The following RALGPS1 variants were observed in gnomAD, a reference collection of about 807,000 sequenced individuals.
RALGPS1 encodes Ral GEF with PH domain and SH3 binding motif 1.
Under a neutral mutation model 78.8 loss-of-function variants are expected in RALGPS1, and 19 were observed. The ratio of observed to expected loss-of-function variants is 0.24; its 90% CI spans 0.17 to 0.35. The LOEUF (loss-of-function observed/expected upper bound fraction) is 0.35, where lower values mean the gene tolerates loss of function less well. RALGPS1 is among the 10% of genes least tolerant of loss of function. The pLI is 1.00. For synonymous variants in RALGPS1, 228 were observed against 256.3 expected (o/e 0.89, Z 1.06); for missense variants, 454 against 688.3 (o/e 0.66, Z 3.81).
chr9:127,142,572 G>A lies in RALGPS1; in HGVS notation c.611-23497G>A, dbSNP rs573700168. 9.2e-5 allele frequency among the ~76,000 whole-genome samples: 14 copies of A among 152,270 alleles called. No individual in the cohort carries two copies. In the South Asian group the frequency reaches 2.9e-3, roughly 32 times the overall value. On this transcript the variant is annotated intron_variant, in intron 8 of 18. Coordinates refer to ENST00000259351, the MANE Select transcript of RALGPS1 (RefSeq NM_014636.3). Reference sequence around the variant, plus strand: ...AGTTAGCAGGTCCAGGACTCCCTCCGCAGGAGGGCCTCCAAGCTCAGTTCT... The same window carrying A: ...AGTTAGCAGGTCCAGGACTCCCTCCACAGGAGGGCCTCCAAGCTCAGTTCT...
chr9:127,174,289 G>A (rs5900743), intron 10 of RALGPS1, among the ~76,000 whole-genome samples: 2 of 122,050 alleles, frequency 1.6e-5, no homozygotes, highest in Non-Finnish European at 3.1e-5. Context: ...AAGAAAGAAA[G>A]AGAAAGAAAG....
chr9:127,167,235 C>A (rs1342724968), intron 9 of RALGPS1, among the ~76,000 whole-genome samples: 2 of 152,186 alleles, frequency 1.3e-5, no homozygotes, highest in African/African-American at 4.8e-5. Flanking sequence ...AGCAAGAGCC[C>A]TGCTCACCAG....
At position 127,218,024 on chromosome 9, in the gene RALGPS1, T is replaced by C. The variant is rs936249948; in HGVS notation, c.1645-716T>C. Among the ~76,000 whole-genome samples, 3 of 152,228 alleles carry C rather than the reference T, an allele frequency of 2.0e-5. No individual in the cohort carries two copies. Among genetic ancestry groups the C allele is most frequent in the Non-Finnish European group, 4.4e-5 (3 of 68,050 alleles). On this transcript the variant is annotated intron_variant, in intron 18 of 18. Transcript: ENST00000259351. The surrounding 1 kb of genome is among the most constrained non-coding windows in gnomAD (Gnocchi z 4.4). ...TCTCCTGGTACATGGAGATGCATTT[T>C]TTTCCTAATTCATAGTTTGACCAAA...
At position 127,130,057 on chromosome 9, in the gene RALGPS1, G is replaced by A. The variant is rs565781228; in HGVS notation, c.611-36012G>A. Among the ~76,000 whole-genome samples the A allele has an allele frequency of 2.0e-5, 3 of 152,314 alleles. No individual in the cohort carries two copies. In the East Asian group the frequency reaches 5.8e-4, roughly 29 times the overall value. On this transcript the variant is annotated intron_variant, in intron 8 of 18. Coordinates refer to ENST00000259351, the MANE Select transcript of RALGPS1 (RefSeq NM_014636.3). ...GGAAGTGAGAAGATAGGAAGCGAGT[G>A]AGGACACGTGTGTCACCAGCTCCCT...
chr9:127,188,996 TCAAAAA>T (rs2060861127), intron 11 of RALGPS1, among the ~76,000 whole-genome samples: 1 of 34,368 alleles, frequency 2.9e-5, no homozygotes, highest in African/African-American at 1.3e-4. Flanking sequence ...CAAGACTGTC[TCAAAAA>T]AAAAAAAAAA....
At chr9:127,021,425 C>G (rs1224561141) in intron 4 of RALGPS1, among the ~76,000 whole-genome samples, 1 of 150,660 alleles carries the variant, frequency 6.6e-6, no homozygotes, top group Non-Finnish European at 1.5e-5. Flanking sequence ...TGCTTGAATC[C>G]TGGAGGTGGA....
intron 2 of RALGPS1, 48 bp from the exon 3 acceptor site, chr9:126,965,796 T>C (rs959426138): frequency 4.9e-6 from 7 of 1,432,486 alleles, no homozygotes; most frequent in African/African-American, 1.4e-5. Context: ...AGGCAATGAT[T>C]CCACGTCATA....
chr9:126,930,429 T>TA (rs1013318542), intron 1 of RALGPS1, among the ~76,000 whole-genome samples: 1 of 152,104 alleles, frequency 6.6e-6, no homozygotes, highest in Non-Finnish European at 1.5e-5. Flanking sequence ...ACTAAGTTGG[T>TA]AAAAAAATAT....
chr9:126,921,634 C>T (rs1034610702), intron 1 of RALGPS1, among the ~76,000 whole-genome samples: 77 of 152,344 alleles, frequency 5.1e-4, no homozygotes, highest in African/African-American at 1.8e-3. Flanking sequence ...AAAACACGGA[C>T]TCTGGAGTTG....
In RALGPS1 at chr9:127,130,745, C is replaced by T. The variant is rs116254576; in HGVS notation, c.611-35324C>T. ...GATTCTTTTATTATTCCCCAGTTTT[C>T]AGATGAAGAAACTGAGGCTCAAGTT... On this transcript the variant is annotated intron_variant, in intron 8 of 18. Transcript: ENST00000259351. Among the ~76,000 whole-genome samples, 252 of 152,314 alleles carry T rather than the reference C, an allele frequency of 1.7e-3. 2 individuals carry two copies. The highest frequency in any genetic ancestry group is 5.8e-3 in the African/African-American group (243 of 41,574).
At chr9:127,160,979 T>C (rs917062291) in intron 8 of RALGPS1, among the ~76,000 whole-genome samples, 1 of 152,262 alleles carries the variant, frequency 6.6e-6, no homozygotes, top group Non-Finnish European at 1.5e-5. Flanking sequence ...CCAACAGGTC[T>C]GCACCTCTCA....
intron 3 of RALGPS1, among the ~76,000 whole-genome samples, chr9:126,973,320 A>G (rs936637834): frequency 8.5e-5 from 13 of 152,322 alleles, no homozygotes; most frequent in African/African-American, 2.9e-4. Context: ...CTCACTAGGT[A>G]TGATCACACC....
At chr9:127,117,824 G>A (rs901269185) in intron 8 of RALGPS1, among the ~76,000 whole-genome samples, 27 of 152,220 alleles carry the variant, frequency 1.8e-4, no homozygotes, top group African/African-American at 6.3e-4. Context: ...ACCACCTCAG[G>A]CAGGACTTTA....
intron 3 of RALGPS1, among the ~76,000 whole-genome samples, chr9:126,974,739 AG>A (rs1231185121): frequency 1.3e-5 from 2 of 152,156 alleles, no homozygotes; most frequent in Non-Finnish European, 2.9e-5. Flanking sequence ...GTTCTCGCTC[AG>A]CCCCACTACT....
chr9:126,971,498 C>G (rs536140947), intron 3 of RALGPS1, among the ~76,000 whole-genome samples: 18 of 151,186 alleles, frequency 1.2e-4, no homozygotes, highest in African/African-American at 3.6e-4. Context: ...CATGTTTTTT[C>G]CAAAAGGAAA....
intron 11 of RALGPS1, among the ~76,000 whole-genome samples, chr9:127,185,856 G>A (rs1490540561): frequency 6.6e-6 from 1 of 152,218 alleles, no homozygotes; most frequent in African/African-American, 2.4e-5. Context: ...TCACGTGAAG[G>A]AGGGAGGGAT....
At position 127,221,212 on chromosome 9, in the gene RALGPS1, CAGAG is replaced by C. The variant is rs1203359330; in HGVS notation, c.*2446_*2449del. 2 of 152,208 alleles carry C rather than the reference CAGAG, an allele frequency of 1.3e-5. No homozygotes were observed. The highest frequency in any genetic ancestry group is 4.8e-5 in the African/African-American group (2 of 41,446). The allele number at this position is 152,208 out of a possible 1,614,324, so 9.4% of individuals were successfully genotyped here. A position where few individuals can be genotyped will look rare whatever the true frequency, so the allele number is the denominator to read the frequency against. On this transcript the variant is annotated 3_prime_UTR_variant, in exon 19 of 19. Transcript: ENST00000259351. ...TGGTTTGAACCCTGTGAGCCTGAGA[CAGAG>C]AGGGCCAGGCACCAACCACAAGGCG...
In RALGPS1 at chr9:127,212,411, G is replaced by A. The variant is rs1168077946; in HGVS notation, c.1353+175G>A. Among the ~76,000 whole-genome samples the A allele has an allele frequency of 6.6e-6, 1 of 152,212 alleles. No individual in the cohort carries two copies. The highest frequency in any genetic ancestry group is 1.5e-5 in the Non-Finnish European group (1 of 68,038). The stretch of plus-strand genomic sequence containing the variant: ...CTGACACTGCCGTAAAATGAACAAA[G>A]GGAAGGCTCCTTGAGTAAAGGAGCA... On this transcript the variant is annotated intron_variant, in intron 15 of 18. Transcript: ENST00000259351. The surrounding 1 kb of genome is among the most constrained non-coding windows in gnomAD (Gnocchi z 6.0).
At chr9:127,104,517 C>G (rs2054034441) in intron 8 of RALGPS1, among the ~76,000 whole-genome samples, 1 of 152,246 alleles carries the variant, frequency 6.6e-6, no homozygotes, top group Non-Finnish European at 1.5e-5. Context: ...TCATCCTAAT[C>G]AAAATGCCTT....
Sources: gnomAD v4.1 joint callset for allele counts (sites outside exome capture counted in the v4.1 genomes callset) on GRCh38, gnomAD v4.1.1 for gene constraint, Gnocchi (gnomAD v3.1) non-coding constraint, MANE v1.5 for transcripts, NCBI Gene and HGNC (gene_info 2026-07-23, HGNC 2026-07-21) for gene names.